The following RAD51B variants were observed in gnomAD, a reference collection of about 807,000 sequenced individuals.
RAD51B encodes the protein RAD51 paralog B.
In RAD51B, 38 loss-of-function variants were observed where a neutral mutation model predicts 42.2. The ratio of observed to expected loss-of-function variants is 0.90; its 90% CI spans 0.70 to 1.18. RAD51B has a LOEUF of 1.18. RAD51B is among the 50% of genes most tolerant of loss of function. The probability of loss-of-function intolerance (pLI) is 0.00; values close to 1 mark genes in which losing one functional copy is unlikely to be tolerated. For synonymous variants in RAD51B, 154 were observed against 145.2 expected, an observed-to-expected ratio of 1.06 and a Z score of -0.43; for missense variants, 373 against 400.7, an observed-to-expected ratio of 0.93 and a Z score of 0.59.
chr14:68,100,321 G>T (rs1293020151), intron 7 of RAD51B, among the ~76,000 whole-genome samples: 1 of 152,140 alleles, frequency 6.6e-6, no homozygotes, highest in Non-Finnish European at 1.5e-5. Flanking sequence ...TTGCACAGAG[G>T]TTTGATTTTG....
chr14:68,054,811 G>T (rs951289260), intron 7 of RAD51B, among the ~76,000 whole-genome samples: 1 of 152,166 alleles, frequency 6.6e-6, no homozygotes, highest in African/African-American at 2.4e-5. Context: ...ACAACCTGGG[G>T]CTTGTGATTG....
intron 7 of RAD51B, among the ~76,000 whole-genome samples, chr14:68,252,352 A>G (rs2080652206): frequency 6.6e-6 from 1 of 152,218 alleles, no homozygotes. Flanking sequence ...AGAGCCATCT[A>G]AAATTATGTA....
chr14:68,326,035 TTTC>T (rs773206122), intron 8 of RAD51B, among the ~76,000 whole-genome samples: 2,332 of 44,650 alleles, frequency 0.052, 129 homozygotes, highest in Non-Finnish European at 0.065. Flanking sequence ...TTCTTTTTCT[TTTC>T]TTTTTTTTTT....
chr14:68,058,985 T>C (rs1833201109), intron 7 of RAD51B, among the ~76,000 whole-genome samples: 1 of 152,212 alleles, frequency 6.6e-6, no homozygotes, highest in African/African-American at 2.4e-5. Context: ...TACTTTGTTC[T>C]ATCCCAAAGA....
At chr14:68,676,192 C>T (rs1033010885) in intron 11 of RAD51B, among the ~76,000 whole-genome samples, 2 of 152,130 alleles carry the variant, frequency 1.3e-5, no homozygotes, top group Non-Finnish European at 2.9e-5. Context: ...TATGTTACAG[C>T]CTATGGGGTA....
At chr14:68,606,672 A>G (rs923719912) in intron 10 of RAD51B, among the ~76,000 whole-genome samples, 1 of 152,158 alleles carries the variant, frequency 6.6e-6, no homozygotes, top group East Asian at 1.9e-4. Context: ...GGTGGGAGCC[A>G]ATCTGTTTAA....
intron 8 of RAD51B, among the ~76,000 whole-genome samples, chr14:68,322,366 A>G (rs2082172129): frequency 6.6e-6 from 1 of 152,076 alleles, no homozygotes; most frequent in African/African-American, 2.4e-5. Flanking sequence ...CTGACCAATT[A>G]TTTCCCATTC....
chr14:68,146,324 C>T (rs1317697794), intron 7 of RAD51B, among the ~76,000 whole-genome samples: 1 of 152,030 alleles, frequency 6.6e-6, no homozygotes, highest in Non-Finnish European at 1.5e-5. Context: ...ATGACGTGCA[C>T]CTGTAGTCCC....
chr14:68,490,915 T>C (rs1256419119), intron 10 of RAD51B, among the ~76,000 whole-genome samples: 1 of 152,138 alleles, frequency 6.6e-6, no homozygotes. Flanking sequence ...GGAGGCCTCC[T>C]CAGAGGGGCC....
intron 10 of RAD51B, among the ~76,000 whole-genome samples, chr14:68,648,135 ATATATATATATACACACACG>A (rs1566963636): frequency 0.067 from 6,788 of 100,886 alleles, 372 homozygotes; most frequent in African/African-American, 0.11. Context: ...ACACACACGT[ATATATATATATACACACACG>A]TATATATATA....
intron 7 of RAD51B, among the ~76,000 whole-genome samples, chr14:68,263,659 G>A (rs1346646072): frequency 1.3e-5 from 2 of 152,108 alleles, no homozygotes; most frequent in African/African-American, 2.4e-5. Flanking sequence ...TTTTCTATAA[G>A]TAAAAATGAA....
chr14:68,503,400 C>CAA (rs1555420159), intron 10 of RAD51B, among the ~76,000 whole-genome samples: 1 of 152,170 alleles, frequency 6.6e-6, no homozygotes, highest in Non-Finnish European at 1.5e-5. Context: ...GGAGGAGAAA[C>CAA]AGCTGAGGAG....
chr14:68,212,053 T>G (rs187816536), intron 7 of RAD51B, among the ~76,000 whole-genome samples: 213 of 152,362 alleles, frequency 1.4e-3, no homozygotes, highest in African/African-American at 4.9e-3. Flanking sequence ...TCTCGTTTGC[T>G]CCACCAGTTT....
chr14:68,414,729 A>T (rs771803188), intron 9 of RAD51B, among the ~76,000 whole-genome samples: 1 of 151,800 alleles, frequency 6.6e-6, no homozygotes, highest in African/African-American at 2.4e-5. Flanking sequence ...CCTTAAAATC[A>T]GTGATTCTCG....
intron 7 of RAD51B, among the ~76,000 whole-genome samples, chr14:68,195,224 T>G (rs1263478046): frequency 6.6e-6 from 1 of 152,236 alleles, no homozygotes; most frequent in Non-Finnish European, 1.5e-5. Context: ...ATTTGTTCAC[T>G]CCCATTCGTT....
intron 10 of RAD51B, among the ~76,000 whole-genome samples, chr14:68,534,748 AC>A (rs1223229910): frequency 2.0e-5 from 3 of 149,858 alleles, no homozygotes; most frequent in African/African-American, 7.3e-5. Flanking sequence ...TCCCGCTCCC[AC>A]CCCCCCTAGA....
At chr14:68,442,195 G>T (rs151193064) in intron 9 of RAD51B, among the ~76,000 whole-genome samples, 1 of 152,104 alleles carries the variant, frequency 6.6e-6, no homozygotes, top group East Asian at 1.9e-4. Flanking sequence ...TTTACTCTGC[G>T]TCCAGTCTGC....
intron 9 of RAD51B, among the ~76,000 whole-genome samples, chr14:68,453,501 C>T (rs116303619): frequency 2.0e-4 from 31 of 152,276 alleles, no homozygotes; most frequent in African/African-American, 7.2e-4. Flanking sequence ...TATGAAGTAG[C>T]TGAACCCCCT....
In RAD51B at chr14:68,111,820, C is replaced by T. The variant is rs556636559; in HGVS notation, c.757-180064C>T. Among the ~76,000 whole-genome samples, 49 of 152,182 alleles carry T rather than the reference C, an allele frequency of 3.2e-4. 1 individual carries two copies. In the South Asian group the frequency reaches 9.1e-3, roughly 28 times the overall value. On this transcript the variant is annotated intron_variant, in intron 7 of 10. Coordinates refer to ENST00000471583, the MANE Select transcript of RAD51B (RefSeq NM_133510.4). Reference sequence around the variant, plus strand: ...ATAACAGACTCAAAGCAGATGGTCACCTGCGGTGATAAGTATTACATTATT... The same window carrying T: ...ATAACAGACTCAAAGCAGATGGTCATCTGCGGTGATAAGTATTACATTATT...
Sources: allele counts gnomAD v4.1 joint callset (sites outside exome capture counted in the v4.1 genomes callset), GRCh38; gene constraint gnomAD v4.1.1; transcripts MANE v1.5; gene names NCBI Gene and HGNC (gene_info 2026-07-23, HGNC 2026-07-21).